Variants in CORO2B observed in about 807,000 individuals in gnomAD.
CORO2B encodes the protein coronin 2B, also known as coronin-2B.
CORO2B carries 26 observed loss-of-function variants against 58.8 expected under a neutral mutation model. The ratio of observed to expected loss-of-function variants is 0.44; its 90% CI spans 0.32 to 0.61. The LOEUF is 0.61. Among genes scored for constraint, CORO2B ranks in the 20% least tolerant of loss-of-function variants. The pLI, the probability that CORO2B is intolerant of heterozygous loss-of-function variation, is 0.04. For missense variants in CORO2B, 460 were observed against 645.1 expected, an observed-to-expected ratio of 0.71 and a Z score of 3.11; for synonymous variants, 242 against 253.8, an observed-to-expected ratio of 0.95 and a Z score of 0.44.
intron 1 of CORO2B, among the ~76,000 whole-genome samples, chr15:68,611,435 T>A (rs1307310647): frequency 6.6e-6 from 1 of 152,214 alleles, no homozygotes; most frequent in African/African-American, 2.4e-5. Context: ...GACAATTTCC[T>A]ACCTTTTGCC....
chr15:68,713,807 A>G, intron 5 of CORO2B, 118 bp from the exon 6 acceptor site: 3 of 681,952 alleles, frequency 4.4e-6, no homozygotes, highest in Non-Finnish European at 2.6e-6. Context: ...AAATAAGGAA[A>G]TAATTGCAGG....
At chr15:68,622,042 C>T (rs1595972970) in intron 1 of CORO2B, among the ~76,000 whole-genome samples, 1 of 152,190 alleles carries the variant, frequency 6.6e-6, no homozygotes, top group Non-Finnish European at 1.5e-5. Flanking sequence ...ATCCAAAGTG[C>T]TGGGATTATA....
chr15:68,649,431 C>A (rs1901563118), intron 2 of CORO2B, among the ~76,000 whole-genome samples: 1 of 152,128 alleles, frequency 6.6e-6, no homozygotes, highest in African/African-American at 2.4e-5. Context: ...AAACAACCTG[C>A]AGGTCCATCA....
chr15:68,559,141 C>A, the CORO2B span, among the ~76,000 whole-genome samples: 2 of 152,032 alleles, frequency 1.3e-5, no homozygotes, highest in East Asian at 3.9e-4. This position sits in a 1 kb window ranked among gnomAD's most constrained non-coding sequence, Gnocchi z 4.3. Flanking sequence ...CGGCACCCCA[C>A]GGGGGCAGGG....
intron 3 of CORO2B, among the ~76,000 whole-genome samples, chr15:68,704,689 G>C (rs8026511): frequency 0.032 from 4,806 of 152,206 alleles, 233 homozygotes; most frequent in African/African-American, 0.11. Context: ...ACTAAGAGCC[G>C]TTCCCCCGTA....
the CORO2B span, among the ~76,000 whole-genome samples, chr15:68,556,256 G>A: frequency 6.6e-6 from 1 of 152,202 alleles, no homozygotes; most frequent in South Asian, 2.1e-4. Flanking sequence ...ACCCTGGAAG[G>A]GCAGAGCCCA....
At chr15:68,556,761 C>T in the CORO2B span, among the ~76,000 whole-genome samples, 3 of 152,206 alleles carry the variant, frequency 2.0e-5, no homozygotes, top group South Asian at 2.1e-4. Flanking sequence ...GGACCTGACT[C>T]GTGACTGTGG....
the CORO2B span, among the ~76,000 whole-genome samples, chr15:68,554,412 C>T: frequency 6.6e-6 from 1 of 152,102 alleles, no homozygotes; most frequent in African/African-American, 2.4e-5. Flanking sequence ...GCAGGGAATC[C>T]CACCTGGAGA....
At chr15:68,522,316 C>T in the CORO2B span, among the ~76,000 whole-genome samples, 1 of 152,192 alleles carries the variant, frequency 6.6e-6, no homozygotes, top group Non-Finnish European at 1.5e-5. Context: ...TCTTTCTCGT[C>T]TGAGACTCCA....
chr15:68,615,365 C>T (rs568622642), intron 1 of CORO2B, among the ~76,000 whole-genome samples: 21 of 152,334 alleles, frequency 1.4e-4, no homozygotes, highest in African/African-American at 5.1e-4. Flanking sequence ...TCTTGCTCCT[C>T]TCTGTGTAAC....
chr15:68,645,426 C>A lies in CORO2B; in HGVS notation c.216+66C>A. ...CAGAGAGGAGCCCTCCTTGGTCTCT[C>A]TTAGGCCTGTTGACCCTACTTCTCT... On this transcript the variant is annotated intron_variant, in intron 2 of 11. Coordinates refer to ENST00000261861, the MANE Select transcript of CORO2B (RefSeq NM_006091.5). The surrounding 1 kb of genome is among the most constrained non-coding windows in gnomAD (Gnocchi z 4.5). 6.7e-7 allele frequency: 1 copy of A among 1,495,376 alleles called. No individual in the cohort carries two copies. Among genetic ancestry groups the A allele is most frequent in the East Asian group, 2.3e-5 (1 of 43,860 alleles). The allele number at this position is 1,495,376 out of a possible 1,614,324, so 92.6% of individuals were successfully genotyped here.
upstream of CORO2B, among the ~76,000 whole-genome samples, chr15:68,574,966 C>T (rs73440287): frequency 0.046 from 7,031 of 152,246 alleles, 204 homozygotes; most frequent in Middle Eastern, 0.082. Context: ...AATACTGCAA[C>T]GTCTTATTTA....
At chr15:68,650,292 G>C (rs913607224) in intron 2 of CORO2B, among the ~76,000 whole-genome samples, 5 of 145,682 alleles carry the variant, frequency 3.4e-5, no homozygotes, top group African/African-American at 1.3e-4. Flanking sequence ...TGGAGGCGGA[G>C]GTTGCGGTGA....
intron 2 of CORO2B, among the ~76,000 whole-genome samples, chr15:68,682,343 G>C (rs1011395767): frequency 2.0e-5 from 3 of 152,196 alleles, no homozygotes; most frequent in Non-Finnish European, 4.4e-5. Flanking sequence ...CCTCAGGAAG[G>C]CTATGGGCAG....
intron 11 of CORO2B, among the ~76,000 whole-genome samples, chr15:68,723,203 C>G (rs1456504889): frequency 1.3e-5 from 2 of 150,130 alleles, no homozygotes; most frequent in Non-Finnish European, 3.0e-5. Context: ...CTCACTGCAA[C>G]CTCCACCTCC....
intron 1 of CORO2B, among the ~76,000 whole-genome samples, chr15:68,637,417 C>G (rs1335165464): frequency 3.3e-5 from 5 of 152,232 alleles, no homozygotes; most frequent in Admixed American, 3.3e-4. Flanking sequence ...CTCTCGCTCA[C>G]GACCCAGAAT....
At chr15:68,694,578 C>T (rs1009121157) in intron 2 of CORO2B, among the ~76,000 whole-genome samples, 3 of 152,096 alleles carry the variant, frequency 2.0e-5, no homozygotes, top group African/African-American at 7.2e-5. Context: ...GAGAATGGCT[C>T]GTGTAAGAGT....
chr15:68,658,415 G>A (rs752191603), intron 2 of CORO2B, among the ~76,000 whole-genome samples: 2 of 152,270 alleles, frequency 1.3e-5, no homozygotes, highest in Non-Finnish European at 2.9e-5. Context: ...GCCAGTGAGG[G>A]GCCAGTGGGG....
chr15:68,571,132 C>T, the CORO2B span, among the ~76,000 whole-genome samples: 1 of 152,202 alleles, frequency 6.6e-6, no homozygotes, highest in South Asian at 2.1e-4. Context: ...CTTTAAAGAG[C>T]TGCCCAAGCA....
Sources: allele counts gnomAD v4.1 joint callset (sites outside exome capture counted in the v4.1 genomes callset), GRCh38; gene constraint gnomAD v4.1.1; non-coding constraint Gnocchi (gnomAD v3.1); transcripts MANE v1.5; gene names NCBI Gene and HGNC (gene_info 2026-07-23, HGNC 2026-07-21).